The following SPTBN5 variants were observed in gnomAD, a reference collection of about 807,000 sequenced individuals.
SPTBN5 encodes spectrin beta, non-erythrocytic 5.
Under a neutral mutation model 477.6 loss-of-function variants are expected in SPTBN5, and 513 were observed. The observed-to-expected ratio is 1.07, with a 90% confidence interval of 1.00 to 1.16. The LOEUF (loss-of-function observed/expected upper bound fraction) is 1.16, where lower values mean the gene tolerates loss of function less well. SPTBN5 is among the 50% of genes most tolerant of loss of function. The pLI, the probability that SPTBN5 is intolerant of heterozygous loss-of-function variation, is 0.00. For synonymous variants in SPTBN5, 2,169 were observed against 2,011.7 expected (o/e 1.08, Z -2.09); for missense variants, 5,062 against 4,731.8 (o/e 1.07, Z -2.05).
At chr15:41,867,499 C>G in intron 35 of SPTBN5, 39 bp downstream of exon 35, 1 of 1,594,670 alleles carries the variant, frequency 6.3e-7, no homozygotes, top group Non-Finnish European at 8.6e-7. Flanking sequence ...CTCCCAACCA[C>G]CACACTCTGA....
chr15:41,877,580 T>G (rs1383225499), intron 17 of SPTBN5, among the ~76,000 whole-genome samples: 1 of 152,218 alleles, frequency 6.6e-6, no homozygotes, highest in Non-Finnish European at 1.5e-5. Context: ...CTAGAGGACA[T>G]GCGGAGGCAG....
At position 41,880,315 on chromosome 15, in the gene SPTBN5, G is replaced by A. The variant is rs765504906; in HGVS notation, c.2659-3C>T. The stretch of plus-strand genomic sequence containing the variant: ...TCCTCCAACCGGGCCCTGCGGAGCT[G>A]GGGAGAGGTGGCCCAAGGCTGGGGT... On this transcript the variant is annotated splice_polypyrimidine_tract_variant and splice_region_variant and intron_variant, in intron 13 of 67. Coordinates refer to ENST00000320955, the MANE Select transcript of SPTBN5 (RefSeq NM_016642.4). 1.1e-5 allele frequency: 18 copies of A among 1,596,582 alleles called. No individual in the cohort carries two copies. The highest frequency in any genetic ancestry group is 6.8e-5 in the South Asian group (6 of 87,730).
intron 3 of SPTBN5, 125 bp downstream of exon 3, chr15:41,892,769 C>T: frequency 8.8e-7 from 1 of 1,135,078 alleles, no homozygotes; most frequent in Non-Finnish European, 1.2e-6. Context: ...GCCACTCCTC[C>T]TGTACTCAGG....
Position 41,880,146 on chromosome 15 carries a change from T to C in SPTBN5, c.2811+14A>G. 5 of 1,570,792 alleles carry C rather than the reference T, an allele frequency of 3.2e-6. No individual in the cohort carries two copies. Among genetic ancestry groups the C allele is most frequent in the Non-Finnish European group, 4.3e-6 (5 of 1,160,714 alleles). On this transcript the variant is annotated intron_variant, in intron 14 of 67. Coordinates refer to ENST00000320955, the MANE Select transcript of SPTBN5 (RefSeq NM_016642.4). ...GCAAGGCGAGGAGGAGGTGCCAAGC[T>C]CCCAGGGCTGTACCTCATATTTGAG...
At position 41,852,781 on chromosome 15, in the gene SPTBN5, C is replaced by CGGG. The variant is rs777468367; in HGVS notation, c.10347+42_10347+43insCCC. ...GTGACGCCCAGCTTGGGGGGGGGGGCCCAGAGCCTGGTAGCCAGCTAAGGG... is the reference window on the plus strand; with the variant it reads ...GTGACGCCCAGCTTGGGGGGGGGGGCGGGCCAGAGCCTGGTAGCCAGCTAAGGG... On this transcript the variant is annotated intron_variant, in intron 60 of 67. Coordinates refer to ENST00000320955, the MANE Select transcript of SPTBN5 (RefSeq NM_016642.4). The CGGG allele has an allele frequency of 4.5e-6, 7 of 1,560,320 alleles. No individual in the cohort carries two copies. In the South Asian group the frequency reaches 5.8e-5, roughly 13 times the overall value.
At chr15:41,854,006 C>T (rs371375779) in intron 57 of SPTBN5, 44 bp downstream of exon 57, 257 of 1,522,878 alleles carry the variant, frequency 1.7e-4, no homozygotes, top group Non-Finnish European at 2.0e-4. Flanking sequence ...CCACCGCCTT[C>T]GGGCAGGGGC....
At position 41,851,347 on chromosome 15, in the gene SPTBN5, C is replaced by A; in HGVS notation, c.10679G>T (p.Ser3560Ile). The A allele has an allele frequency of 6.4e-7, 1 of 1,550,926 alleles. No homozygotes were observed. The highest frequency in any genetic ancestry group is 2.4e-5 in the East Asian group (1 of 40,902). ...GCTGCCCTGCAAGTTCCCGCGGCAG[C>A]TGTCCCAGGAGCTCGAGCTAGGCTG... The part of the protein sequence containing the change: ...GRQPSSSSWD[S>I]CRGNLQGSSL... The change falls in exon 64 of 68, where the codon AGC becomes ATC. Residue 3560 changes from serine to isoleucine, a missense_variant. By Grantham distance (142) the Ser-to-Ile change is moderately radical. Coordinates refer to ENST00000320955, the MANE Select transcript of SPTBN5 (RefSeq NM_016642.4).
chr15:41,870,040 TA>T lies in SPTBN5; in HGVS notation c.5674-21del, dbSNP rs2066479251. ...CTGCAGCTGCGGGAGGGGCAGGGAA[TA>T]GGGAGGCAAGGGTCATGTCCTCCTG... On this transcript the variant is annotated intron_variant, in intron 31 of 67. Transcript: ENST00000320955. 1 of 1,468,106 alleles carries T rather than the reference TA, an allele frequency of 6.8e-7. No homozygotes were observed. Among genetic ancestry groups the T allele is most frequent in the African/African-American group, 1.4e-5 (1 of 70,374 alleles). The allele number at this position is 1,468,106 out of a possible 1,614,324, so 90.9% of individuals were successfully genotyped here. A position where few individuals can be genotyped will look rare whatever the true frequency, so the allele number is the denominator to read the frequency against.
chr15:41,871,374 C>T lies in SPTBN5; in HGVS notation c.5447+1G>A. On this transcript the variant is annotated splice_donor_variant, in intron 29 of 67. Coordinates refer to ENST00000320955, the MANE Select transcript of SPTBN5 (RefSeq NM_016642.4). LOFTEE classifies it high-confidence loss of function. Reference sequence around the variant, plus strand: ...GCTGGCCTGGCCCGTTGGGCACTCACTGCAGATCCTGCTGCCTCTGACGGA... The same window carrying T: ...GCTGGCCTGGCCCGTTGGGCACTCATTGCAGATCCTGCTGCCTCTGACGGA... The T allele has an allele frequency of 2.1e-6, 3 of 1,442,526 alleles. No homozygotes were observed. Among genetic ancestry groups the T allele is most frequent in the Non-Finnish European group, 2.7e-6 (3 of 1,095,258 alleles). The allele number at this position is 1,442,526 out of a possible 1,614,324, so 89.4% of individuals were successfully genotyped here.
At chr15:41,874,550 C>T in intron 23 of SPTBN5, 72 bp from the exon 24 acceptor site, 1 of 1,302,694 alleles carries the variant, frequency 7.7e-7, no homozygotes. Flanking sequence ...CTTTCCTTGG[C>T]CAAGCCAGGG....
chr15:41,878,989 C>A (rs1025302435), intron 16 of SPTBN5, among the ~76,000 whole-genome samples: 16 of 152,190 alleles, frequency 1.1e-4, no homozygotes, highest in Non-Finnish European at 2.2e-4. Flanking sequence ...TGGCGTGAAC[C>A]CGGGAGGCTG....
chr15:41,855,254 C>T lies in SPTBN5; in HGVS notation c.9393G>A (p.Gln3131=), dbSNP rs1273174836. Residue 3131 remains glutamine, a synonymous_variant, in exon 55 of 68, where the codon CAG becomes CAA. Transcript: ENST00000320955. ...CACCCTCCAGGTCCTGCCCGTAGTC[C>T]TGGGACTCGGCGGTGGCCGCCTTGG... ...LTTKAATAES[Q]DYGQDLEGVK... The T allele has an allele frequency of 5.6e-6, 9 of 1,612,416 alleles. No homozygotes were observed. Among genetic ancestry groups the T allele is most frequent in the Non-Finnish European group, 7.6e-6 (9 of 1,179,650 alleles).
Position 41,874,939 on chromosome 15 carries a change from G to A in SPTBN5, c.4405C>T (p.Arg1469Trp), listed in dbSNP as rs367834986. Residue 1469 changes from arginine (R) to tryptophan (W), a missense_variant, in exon 23 of 68, where the codon CGG becomes TGG. Transcript: ENST00000320955. ...KRHQQLESESRTLAAKMAALA... is the reference protein window; with the variant it reads ...KRHQQLESESWTLAAKMAALA... ...GCAGCCATCTTGGCAGCCAGGGTCC[G>A]GCTCTCACTCTCCAGCTGTTGGTGC... 6.8e-6 allele frequency: 11 copies of A among 1,613,502 alleles called. No homozygotes were observed. Among genetic ancestry groups the A allele is most frequent in the African/African-American group, 2.7e-5 (2 of 75,040 alleles).
In SPTBN5 at chr15:41,851,313, G is replaced by A. The variant is rs1255990760; in HGVS notation, c.10713C>T (p.Ser3571=). Reference sequence around the variant, plus strand: ...CTGCCATCCTCTCATCCAGGAACAGGCTCAGAGAGCTGCCCTGCAAGTTCC... The same window carrying A: ...CTGCCATCCTCTCATCCAGGAACAGACTCAGAGAGCTGCCCTGCAAGTTCC... ...CRGNLQGSSL[S]LFLDERMAAE... is the part of the protein sequence containing the mutation. Residue 3571 remains serine (S), a synonymous_variant, in exon 64 of 68, where the codon AGC becomes AGT. Coordinates refer to ENST00000320955, the MANE Select transcript of SPTBN5 (RefSeq NM_016642.4). The A allele has an allele frequency of 6.4e-7, 1 of 1,551,178 alleles. No individual in the cohort carries two copies. Among genetic ancestry groups the A allele is most frequent in the Non-Finnish European group, 8.7e-7 (1 of 1,146,996 alleles).
chr15:41,859,953 C>T (rs780896552), intron 47 of SPTBN5, among the ~76,000 whole-genome samples: 3 of 152,150 alleles, frequency 2.0e-5, no homozygotes, highest in Admixed American at 1.3e-4. Flanking sequence ...GGCTTTTGAC[C>T]GTATCTGCCT....
intron 60 of SPTBN5, 38 bp from the exon 61 acceptor site, chr15:41,852,773 G>GGA: frequency 6.3e-7 from 1 of 1,597,166 alleles, no homozygotes; most frequent in African/African-American, 1.6e-5. Context: ...CCAGCTTGGG[G>GGA]GGGGGGGCCC....
Position 41,857,495 on chromosome 15 carries a change from C to T in SPTBN5, c.8365-1G>A, listed in dbSNP as rs1230868157. ...CCATGCTCCGCCGCAGACGCAGGGC[C>T]TAGGGTAGAAAGTGAGGTAGGCAGG... On this transcript the variant is annotated splice_acceptor_variant, in intron 50 of 67. Transcript: ENST00000320955. LOFTEE classifies it high-confidence loss of function. The T allele has an allele frequency of 2.5e-6, 4 of 1,605,764 alleles. No individual in the cohort carries two copies. The highest frequency in any genetic ancestry group is 3.4e-6 in the Non-Finnish European group (4 of 1,174,382).
At position 41,893,282 on chromosome 15, in the gene SPTBN5, C is replaced by G. The variant is rs752287199; in HGVS notation, c.216G>C (p.Gln72His). ...KWINNVFQCGQAGIKIRNLYT... is the reference protein window; with the variant it reads ...KWINNVFQCGHAGIKIRNLYT... ...GTGGGTCACAGCTGGCTATACTCAC[C>G]TGGCCGCACTGGAAGACGTTATTGA... Residue 72 changes from glutamine (Q) to histidine (H), a missense_variant and splice_region_variant, in exon 2 of 68, where the codon CAG becomes CAC. Coordinates refer to ENST00000320955, the MANE Select transcript of SPTBN5 (RefSeq NM_016642.4). The G allele has an allele frequency of 3.0e-5, 48 of 1,613,834 alleles. No individual in the cohort carries two copies. The highest frequency in any genetic ancestry group is 3.4e-5 in the Non-Finnish European group (40 of 1,179,906).
At chr15:41,873,391 G>T in intron 26 of SPTBN5, 101 bp downstream of exon 26, 2 of 905,626 alleles carry the variant, frequency 2.2e-6, no homozygotes, top group South Asian at 3.3e-5. Flanking sequence ...CAGGAAGCAA[G>T]AGCAGGGCTC....
Sources: allele counts gnomAD v4.1 joint callset (sites outside exome capture counted in the v4.1 genomes callset), GRCh38; gene constraint gnomAD v4.1.1; transcripts MANE v1.5; gene names NCBI Gene and HGNC (gene_info 2026-07-23, HGNC 2026-07-21).